Variants in NDUFS1 observed in about 807,000 individuals in gnomAD.
The protein encoded by NDUFS1 is NADH-ubiquinone oxidoreductase 75 kDa subunit, mitochondrial.
In NDUFS1, 61 loss-of-function variants were observed where a neutral mutation model predicts 84.4. That is an observed-to-expected ratio of 0.72 (90% CI 0.59 to 0.89). NDUFS1 has a LOEUF of 0.89. Among genes scored for constraint, NDUFS1 ranks in the 40% least tolerant of loss-of-function variants. The pLI is 0.00. For synonymous variants in NDUFS1, 275 were observed against 290.0 expected (o/e 0.95, Z 0.53); for missense variants, 891 against 890.0 (o/e 1.00, Z -0.01).
At position 206,147,705 on chromosome 2, in the gene NDUFS1, A is replaced by G. The variant is rs1015128468; in HGVS notation, c.421-44T>C. 3.1e-6 allele frequency: 5 copies of G among 1,613,984 alleles called. No individual in the cohort carries two copies. In the African/African-American group the frequency reaches 5.3e-5, roughly 17 times the overall value. On this transcript the variant is annotated intron_variant, in intron 6 of 18. Transcript: ENST00000233190. ...GAGTCAATCTCATGCTGCTAATAAA[A>G]TTAAAATCTGAGACAACCAAAAAGA...
At chr2:206,128,366 CGT>C (rs1691376220) in intron 15 of NDUFS1, among the ~76,000 whole-genome samples, 1 of 151,834 alleles carries the variant, frequency 6.6e-6, no homozygotes, top group Non-Finnish European at 1.5e-5. Context: ...AGGGTTTCAC[CGT>C]GTTTAGCCAG....
intron 1 of NDUFS1, among the ~76,000 whole-genome samples, chr2:206,155,563 G>A (rs1204612059): frequency 6.6e-6 from 1 of 151,996 alleles, no homozygotes; most frequent in Non-Finnish European, 1.5e-5. Flanking sequence ...GATTACAGGC[G>A]CCCATCAACA....
chr2:206,147,385 CTTATT>C lies in NDUFS1; in HGVS notation c.551+141_551+145del, dbSNP rs572398366. On this transcript the variant is annotated intron_variant, in intron 7 of 18. Coordinates refer to ENST00000233190, the MANE Select transcript of NDUFS1 (RefSeq NM_005006.7). ...GAAGTTGGTACTAAATGAAAGTGAA[CTTATT>C]TTATTCATATATCAGAAACAGCATC... 2,419 of 827,632 alleles carry C rather than the reference CTTATT, an allele frequency of 2.9e-3. 7 individuals are homozygous for C. The highest frequency in any genetic ancestry group is 3.9e-3 in the Non-Finnish European group (2,093 of 542,634). 51.3% of individuals were successfully genotyped at this position (827,632 alleles called of 1,614,324 possible).
intron 11 of NDUFS1, 57 bp downstream of exon 11, chr2:206,142,629 A>G: frequency 8.7e-6 from 14 of 1,604,126 alleles, no homozygotes; most frequent in Admixed American, 1.7e-5. Flanking sequence ...CATTTTATAC[A>G]TAACTTGTAA....
chr2:206,135,065 C>T (rs183971722), intron 13 of NDUFS1, among the ~76,000 whole-genome samples: 1 of 152,178 alleles, frequency 6.6e-6, no homozygotes, highest in Non-Finnish European at 1.5e-5. Context: ...GTTGCCCAGG[C>T]TGGAGTGCAG....
chr2:206,138,754 C>T (rs954321949), intron 12 of NDUFS1, 140 bp from the exon 13 acceptor site: 19 of 962,460 alleles, frequency 2.0e-5, no homozygotes, highest in East Asian at 7.9e-5. Flanking sequence ...TGATTTACTA[C>T]GTACCTTTCA....
In NDUFS1 at chr2:206,122,481, TAGCC is replaced by T. The variant is rs1378207227; in HGVS notation, c.*1700_*1703del. 2 of 151,400 alleles carry T rather than the reference TAGCC, an allele frequency of 1.3e-5. No homozygotes were observed. The highest frequency in any genetic ancestry group is 4.9e-5 in the African/African-American group (2 of 41,192). The allele number at this position is 151,400 out of a possible 1,614,324, so 9.4% of individuals were successfully genotyped here. A position where few individuals can be genotyped will look rare whatever the true frequency, so the allele number is the denominator to read the frequency against. On this transcript the variant is annotated 3_prime_UTR_variant, in exon 19 of 19. Coordinates refer to ENST00000233190, the MANE Select transcript of NDUFS1 (RefSeq NM_005006.7). ...CTGTCTCTACTAAAAATACAAAAATTAGCCAGGTGTGGTGGCGTGCGCTTGTAAT... is the reference window on the plus strand; with the variant it reads ...CTGTCTCTACTAAAAATACAAAAATTAGGTGTGGTGGCGTGCGCTTGTAAT...
intron 13 of NDUFS1, among the ~76,000 whole-genome samples, chr2:206,134,042 T>G (rs1446783058): frequency 6.6e-6 from 1 of 152,220 alleles, no homozygotes; most frequent in Non-Finnish European, 1.5e-5. Context: ...CCACCCATCC[T>G]TTGTGTCATT....
intron 13 of NDUFS1, among the ~76,000 whole-genome samples, chr2:206,135,041 C>G (rs987721817): frequency 6.6e-6 from 1 of 150,990 alleles, no homozygotes; most frequent in Admixed American, 6.6e-5. Context: ...TCTTTTGAGA[C>G]AGGGTCTTAC....
intron 2 of NDUFS1, 122 bp downstream of exon 2, chr2:206,153,496 G>A (rs1032776413): frequency 2.3e-5 from 15 of 658,664 alleles, no homozygotes; most frequent in Non-Finnish European, 3.0e-5. Context: ...ACACCCGGCC[G>A]GTTTCTATTT....
intron 13 of NDUFS1, among the ~76,000 whole-genome samples, chr2:206,136,558 C>T (rs1157159740): frequency 5.9e-5 from 9 of 151,278 alleles, no homozygotes; most frequent in East Asian, 2.0e-4. Flanking sequence ...CTCAGGCTCC[C>T]GAGTAGCTGG....
chr2:206,141,729 C>T (rs1164719074), intron 12 of NDUFS1, among the ~76,000 whole-genome samples: 1 of 145,286 alleles, frequency 6.9e-6, no homozygotes, highest in African/African-American at 2.6e-5. Context: ...CATCTCGAGG[C>T]GGAGCTTGCA....
chr2:206,156,105 T>C (rs568659371), intron 1 of NDUFS1, among the ~76,000 whole-genome samples: 4 of 150,306 alleles, frequency 2.7e-5, no homozygotes, highest in African/African-American at 9.8e-5. Context: ...CTACTAAAAA[T>C]ACAAAAAAAT....
At chr2:206,150,158 T>C (rs1254494488) in intron 3 of NDUFS1, among the ~76,000 whole-genome samples, 1 of 152,224 alleles carries the variant, frequency 6.6e-6, no homozygotes, top group South Asian at 2.1e-4. Flanking sequence ...CTTCACCTTA[T>C]GTGGAAGAAA....
chr2:206,126,175 T>C (rs2105942993), intron 18 of NDUFS1, among the ~76,000 whole-genome samples: 1 of 152,374 alleles, frequency 6.6e-6, no homozygotes, highest in Non-Finnish European at 1.5e-5. Context: ...AAGCACTGTT[T>C]AACATGTTTC....
chr2:206,142,628 C>T, intron 11 of NDUFS1, 58 bp downstream of exon 11: 4 of 1,601,378 alleles, frequency 2.5e-6, no homozygotes, highest in Non-Finnish European at 2.6e-6. Flanking sequence ...ACATTTTATA[C>T]ATAACTTGTA....
intron 1 of NDUFS1, among the ~76,000 whole-genome samples, chr2:206,158,258 G>A (rs1428101303): frequency 1.3e-5 from 2 of 152,072 alleles, no homozygotes; most frequent in Non-Finnish European, 2.9e-5. Flanking sequence ...CACCGCCTCC[G>A]GCCTTCAATA....
chr2:206,117,711 T>C lies in NDUFS1; in HGVS notation c.*6474A>G, dbSNP rs1471619865. On this transcript the variant is annotated 3_prime_UTR_variant, in exon 19 of 19. Coordinates refer to ENST00000233190, the MANE Select transcript of NDUFS1 (RefSeq NM_005006.7). ...CAGCTGATACTCTGCAAATGTTTAA[T>C]AGATGTTGGAGCTGAATTTCAGGCT... The C allele has an allele frequency of 2.6e-5, 4 of 152,344 alleles. No homozygotes were observed. Among genetic ancestry groups the C allele is most frequent in the Middle Eastern group, 3.4e-3 (1 of 294 alleles). The allele number at this position is 152,344 out of a possible 1,614,324, so 9.4% of individuals were successfully genotyped here.
chr2:206,136,044 T>C (rs567327927), intron 13 of NDUFS1, among the ~76,000 whole-genome samples: 122 of 151,886 alleles, frequency 8.0e-4, no homozygotes, highest in East Asian at 5.2e-3. Context: ...TTTTTTTTTT[T>C]TTTCTTTCTT....
Sources: gnomAD v4.1 joint callset for allele counts (sites outside exome capture counted in the v4.1 genomes callset) on GRCh38, gnomAD v4.1.1 for gene constraint, MANE v1.5 for transcripts, NCBI Gene and HGNC (gene_info 2026-07-23, HGNC 2026-07-21) for gene names.